Variants in LTBP1 observed in about 807,000 individuals in gnomAD.
LTBP1 encodes the protein latent transforming growth factor beta binding protein 1.
LTBP1 carries 129 observed loss-of-function variants against 207.6 expected under a neutral mutation model. The ratio of observed to expected loss-of-function variants is 0.62; its 90% CI spans 0.54 to 0.72. LTBP1 has a LOEUF of 0.72. Among genes scored for constraint, LTBP1 ranks in the 30% least tolerant of loss-of-function variants. The pLI is 0.00. For synonymous variants in LTBP1, 963 were observed against 833.7 expected (o/e 1.16, Z -2.67); for missense variants, 2,281 against 2,217.2 (o/e 1.03, Z -0.58).
At chr2:33,241,220 G>C (rs976065655) in intron 9 of LTBP1, among the ~76,000 whole-genome samples, 4 of 152,316 alleles carry the variant, frequency 2.6e-5, no homozygotes, top group Admixed American at 2.6e-4. Flanking sequence ...AAAATTAGGG[G>C]AAGTGTTGGT....
At chr2:32,969,568 A>G (rs1558453154) in intron 2 of LTBP1, among the ~76,000 whole-genome samples, 2 of 152,110 alleles carry the variant, frequency 1.3e-5, no homozygotes, top group Non-Finnish European at 2.9e-5. Context: ...GATAATGGCC[A>G]CCAGCTCCAT....
At chr2:33,290,929 A>C (rs1368888395) in intron 19 of LTBP1, among the ~76,000 whole-genome samples, 1 of 152,168 alleles carries the variant, frequency 6.6e-6, no homozygotes, top group East Asian at 1.9e-4. Context: ...TTAATTTTAC[A>C]CCATTTGCAT....
In LTBP1 at chr2:33,335,221, A is replaced by G. The variant is rs190756910; in HGVS notation, c.3731-7617A>G. Among the ~76,000 whole-genome samples, 425 of 151,022 alleles carry G rather than the reference A, an allele frequency of 2.8e-3. 1 individual carries two copies. The highest frequency in any genetic ancestry group is 4.6e-3 in the Non-Finnish European group (310 of 67,832). On this transcript the variant is annotated intron_variant, in intron 24 of 33. Transcript: ENST00000404816. ...CTCATTGGCCAGCCTTCTTTTCTAG[A>G]AGGTAATTATGGGAAAGTTGAATTT...
intron 8 of LTBP1, among the ~76,000 whole-genome samples, chr2:33,220,311 C>T (rs777542698): frequency 6.7e-5 from 10 of 149,724 alleles, no homozygotes; most frequent in African/African-American, 9.7e-5. Context: ...TGGCTTTCTA[C>T]GCTATGGTTT....
Position 33,062,890 on chromosome 2 carries a change from T to A in LTBP1, c.863+41684T>A, listed in dbSNP as rs1248755596. Among the ~76,000 whole-genome samples, 11 of 152,360 alleles carry A rather than the reference T, an allele frequency of 7.2e-5. No homozygotes were observed. The East Asian group carries it at 2.1e-3, about 29-fold the overall frequency. On this transcript the variant is annotated intron_variant, in intron 3 of 33. Coordinates refer to ENST00000404816, the MANE Select transcript of LTBP1 (RefSeq NM_206943.4). ...CAGGTGGGACACAGCAGGACAGATTTCACACTACTCAGAATTTAAATCATG... is the reference window on the plus strand; with the variant it reads ...CAGGTGGGACACAGCAGGACAGATTACACACTACTCAGAATTTAAATCATG...
rs183095496 is a variant in LTBP1, at chr2:33,205,852, C to A, written c.1702-11700C>A. Among the ~76,000 whole-genome samples the A allele has an allele frequency of 2.6e-5, 4 of 152,184 alleles. No homozygotes were observed. The East Asian group carries it at 7.7e-4, about 29-fold the overall frequency. On this transcript the variant is annotated intron_variant, in intron 7 of 33. Transcript: ENST00000404816. The stretch of plus-strand genomic sequence containing the variant: ...GATGTGATAGGACCAGTGAGCTTGA[C>A]CTCTCTGTTGCTTTCCCCACACACT...
chr2:33,199,895 A>G (rs2089015254), intron 7 of LTBP1, among the ~76,000 whole-genome samples: 1 of 152,222 alleles, frequency 6.6e-6, no homozygotes, highest in Admixed American at 6.5e-5. Context: ...AGATAATAAA[A>G]TACCTAGGAA....
chr2:33,068,136 C>T (rs1428173098), intron 3 of LTBP1, among the ~76,000 whole-genome samples: 1 of 121,694 alleles, frequency 8.2e-6, no homozygotes, highest in African/African-American at 3.3e-5. Context: ...TTAGCATTAG[C>T]AGAGTAACAT....
intron 5 of LTBP1, among the ~76,000 whole-genome samples, chr2:33,141,230 G>A (rs182168411): frequency 3.9e-5 from 6 of 152,312 alleles, no homozygotes; most frequent in African/African-American, 1.2e-4. Flanking sequence ...TATATGAGAT[G>A]CCTAAAGTAG....
intron 5 of LTBP1, among the ~76,000 whole-genome samples, chr2:33,175,803 A>G (rs1192460194): frequency 7.2e-6 from 1 of 139,218 alleles, no homozygotes; most frequent in Non-Finnish European, 1.6e-5. Context: ...GCACATGTAC[A>G]CCGTGGAATA....
At chr2:33,219,930 C>T (rs1573256666) in intron 8 of LTBP1, among the ~76,000 whole-genome samples, 1 of 151,702 alleles carries the variant, frequency 6.6e-6, no homozygotes, top group East Asian at 1.9e-4. Context: ...TCATTTTTAT[C>T]TAAGATGAGT....
intron 9 of LTBP1, among the ~76,000 whole-genome samples, chr2:33,233,323 C>G (rs2091889549): frequency 6.6e-6 from 1 of 152,176 alleles, no homozygotes; most frequent in Non-Finnish European, 1.5e-5. Context: ...TCATTTGTTA[C>G]ATTTTTAATT....
At chr2:33,351,349 G>C (rs2094779081) in intron 26 of LTBP1, among the ~76,000 whole-genome samples, 1 of 152,152 alleles carries the variant, frequency 6.6e-6, no homozygotes, top group Non-Finnish European at 1.5e-5. Flanking sequence ...ACCCAACTCA[G>C]GATCTTCTCA....
chr2:33,376,937 G>A (rs562043977), intron 31 of LTBP1, among the ~76,000 whole-genome samples: 3 of 152,176 alleles, frequency 2.0e-5, no homozygotes, highest in Non-Finnish European at 4.4e-5. Flanking sequence ...AAAAATACTA[G>A]ATGCTAAATT....
At chr2:33,389,561 A>G (rs1319150849) in intron 32 of LTBP1, among the ~76,000 whole-genome samples, 1 of 152,102 alleles carries the variant, frequency 6.6e-6, no homozygotes, top group Non-Finnish European at 1.5e-5. Context: ...GGGCAACACA[A>G]TGAGACCCTA....
intron 7 of LTBP1, among the ~76,000 whole-genome samples, chr2:33,216,096 T>C (rs778201087): frequency 6.6e-6 from 1 of 152,202 alleles, no homozygotes; most frequent in Non-Finnish European, 1.5e-5. Flanking sequence ...TGTTTGTTCC[T>C]TTCTTCATGC....
intron 3 of LTBP1, among the ~76,000 whole-genome samples, chr2:33,067,996 A>T (rs1321590174): frequency 1.3e-5 from 2 of 152,218 alleles, no homozygotes; most frequent in East Asian, 3.8e-4. Context: ...AAAAATTTTT[A>T]AATGCCATCC....
At chr2:33,058,916 G>C (rs1169452682) in intron 3 of LTBP1, among the ~76,000 whole-genome samples, 1 of 152,190 alleles carries the variant, frequency 6.6e-6, no homozygotes, top group Non-Finnish European at 1.5e-5. Flanking sequence ...GGAGAGGTTG[G>C]AAAATGTGTG....
At chr2:33,142,044 T>G (rs1465054383) in intron 5 of LTBP1, among the ~76,000 whole-genome samples, 1 of 151,968 alleles carries the variant, frequency 6.6e-6, no homozygotes, top group East Asian at 1.9e-4. Flanking sequence ...GAAAGTAGTG[T>G]CACCTTTCTT....
Sources: gnomAD v4.1 joint callset for allele counts (sites outside exome capture counted in the v4.1 genomes callset) on GRCh38, gnomAD v4.1.1 for gene constraint, MANE v1.5 for transcripts, NCBI Gene and HGNC (gene_info 2026-07-23, HGNC 2026-07-21) for gene names.